Variants in ADGRA2 observed in about 807,000 individuals in gnomAD.
The protein encoded by ADGRA2 is G-protein coupled receptor 124.
Under a neutral mutation model 98.7 loss-of-function variants are expected in ADGRA2, and 61 were observed. The observed-to-expected ratio is 0.62, with a 90% CI of 0.50 to 0.76. The LOEUF is 0.76. Among genes scored for constraint, ADGRA2 ranks in the 30% least tolerant of loss-of-function variants. The pLI, the probability that ADGRA2 is intolerant of heterozygous loss-of-function variation, is 0.00. For synonymous variants in ADGRA2, 858 were observed against 831.5 expected, an observed-to-expected ratio of 1.03 and a Z score of -0.55; for missense variants, 1,712 against 1,860.0, an observed-to-expected ratio of 0.92 and a Z score of 1.46.
At chr8:37,801,073 T>G (rs1287016735) in intron 1 of ADGRA2, among the ~76,000 whole-genome samples, 6 of 152,110 alleles carry the variant, frequency 3.9e-5, no homozygotes, top group Non-Finnish European at 8.8e-5. Flanking sequence ...CCTCCTGCAC[T>G]CTGAGAAAGC....
chr8:37,829,983 G>T lies in ADGRA2; in HGVS notation c.687G>T (p.Leu229=), dbSNP rs780206455. Reference sequence around the variant, plus strand: ...CCAGTGCCCTGCATGCTCAGGCCCTGGGCAGCCTCCAGGAGGCCCAGCTCT... The same window carrying T: ...CCAGTGCCCTGCATGCTCAGGCCCTTGGCAGCCTCCAGGAGGCCCAGCTCT... ...AYPSALHAQA[L]GSLQEAQLCC... Residue 229 remains leucine (L), a synonymous_variant, in exon 6 of 19, where the codon CTG becomes CTT. Transcript: ENST00000412232. 36 of 1,597,048 alleles carry T rather than the reference G, an allele frequency of 2.3e-5. No homozygotes were observed. The highest frequency in any genetic ancestry group is 6.8e-6 in the Non-Finnish European group (8 of 1,174,832).
At position 37,842,601 on chromosome 8, in the gene ADGRA2, C is replaced by A. The variant is rs952484199; in HGVS notation, c.*246C>A. The stretch of plus-strand genomic sequence containing the variant: ...GGCAGTCTGACTGTCGGTGCCCTCC[C>A]AGGAACGGGGAAGGCCTCCGTCTGT... On this transcript the variant is annotated 3_prime_UTR_variant, in exon 19 of 19. Coordinates refer to ENST00000412232, the MANE Select transcript of ADGRA2 (RefSeq NM_032777.10). The A allele has an allele frequency of 1.1e-5, 6 of 551,320 alleles. No homozygotes were observed. The highest frequency in any genetic ancestry group is 4.3e-5 in the Admixed American group (1 of 23,018). 34.2% of individuals were successfully genotyped at this position (551,320 alleles called of 1,614,324 possible).
intron 2 of ADGRA2, among the ~76,000 whole-genome samples, chr8:37,817,746 G>C (rs924942449): frequency 1.3e-5 from 2 of 152,152 alleles, no homozygotes; most frequent in Non-Finnish European, 2.9e-5. Context: ...GCCAGGCATG[G>C]TGGCTCACGC....
Position 37,833,193 on chromosome 8 carries a change from G to A in ADGRA2, c.1281G>A (p.Leu427=), listed in dbSNP as rs878955644. ...CLYTNDITRV[L]YTFVLMPINA... ...ACACCAACGACATCACCAGGGTGCT[G>A]TACACCTTCGTGCTGGTGAGGAGAG... Residue 427 remains leucine (L), a synonymous_variant, in exon 9 of 19, where the codon CTG becomes CTA. Coordinates refer to ENST00000412232, the MANE Select transcript of ADGRA2 (RefSeq NM_032777.10). 5 of 1,611,506 alleles carry A rather than the reference G, an allele frequency of 3.1e-6. No homozygotes were observed. In the South Asian group the frequency reaches 4.4e-5, roughly 14 times the overall value.
chr8:37,825,840 G>T (rs190777771), intron 2 of ADGRA2, among the ~76,000 whole-genome samples: 18 of 152,154 alleles, frequency 1.2e-4, no homozygotes, highest in African/African-American at 3.6e-4. Flanking sequence ...TCAGCCCAGG[G>T]AGCCGAGACA....
At position 37,840,023 on chromosome 8, in the gene ADGRA2, G is replaced by A. The variant is rs149333530; in HGVS notation, c.2512-98G>A. On this transcript the variant is annotated intron_variant, in intron 16 of 18. Coordinates refer to ENST00000412232, the MANE Select transcript of ADGRA2 (RefSeq NM_032777.10). The stretch of plus-strand genomic sequence containing the variant: ...GGGTAAAGTAAAAAAGCTGGGGGCC[G>A]GAGGCTGGAAGCCTGGGAGGACACC... 1,278 of 1,167,930 alleles carry A rather than the reference G, an allele frequency of 1.1e-3. 1 individual carries two copies. The highest frequency in any genetic ancestry group is 1.5e-3 in the Non-Finnish European group (1,212 of 832,716). 72.3% of individuals were successfully genotyped at this position (1,167,930 alleles called of 1,614,324 possible).
At chr8:37,816,191 G>A (rs922724400) in intron 2 of ADGRA2, among the ~76,000 whole-genome samples, 8 of 150,872 alleles carry the variant, frequency 5.3e-5, no homozygotes, top group South Asian at 4.1e-4. Context: ...CTGGGAGGCC[G>A]AGGCTGGAGG....
intron 13 of ADGRA2, among the ~76,000 whole-genome samples, chr8:37,836,082 C>G (rs938395481): frequency 6.7e-6 from 1 of 150,344 alleles, no homozygotes; most frequent in Non-Finnish European, 1.5e-5. Context: ...CACACACACA[C>G]ACACACACAC....
intron 1 of ADGRA2, among the ~76,000 whole-genome samples, chr8:37,807,193 G>A (rs528980944): frequency 6.6e-6 from 1 of 152,202 alleles, no homozygotes; most frequent in Non-Finnish European, 1.5e-5. Context: ...GGGAAGGGTG[G>A]CAGGGAAGTG....
chr8:37,813,487 G>A (rs1804897950), intron 1 of ADGRA2, among the ~76,000 whole-genome samples: 1 of 152,150 alleles, frequency 6.6e-6, no homozygotes, highest in South Asian at 2.1e-4. Context: ...TGTACTTTTT[G>A]ACATATCAAC....
Position 37,829,337 on chromosome 8 carries a change from G to GT in ADGRA2, c.482+6dup. 1 of 1,611,522 alleles carries GT rather than the reference G, an allele frequency of 6.2e-7. No homozygotes were observed. Among genetic ancestry groups the GT allele is most frequent in the Non-Finnish European group, 8.5e-7 (1 of 1,177,936 alleles). ...CCTCCCCAGGCTTCTCCGACTGTAAGTGATGGGGTGAGAAGTGGGGAGGGG... is the reference window on the plus strand; with the variant it reads ...CCTCCCCAGGCTTCTCCGACTGTAAGTTGATGGGGTGAGAAGTGGGGAGGGG... On this transcript the variant is annotated splice_donor_region_variant and intron_variant, in intron 4 of 18. Coordinates refer to ENST00000412232, the MANE Select transcript of ADGRA2 (RefSeq NM_032777.10).
chr8:37,829,272 A>G lies in ADGRA2; in HGVS notation c.422A>G (p.Asn141Ser). 2 of 1,613,208 alleles carry G rather than the reference A, an allele frequency of 1.2e-6. No individual in the cohort carries two copies. Among genetic ancestry groups the G allele is most frequent in the South Asian group, 1.1e-5 (1 of 91,026 alleles). Residue 141 changes from asparagine (N) to serine (S), a missense_variant, in exon 4 of 19, where the codon AAC becomes AGC. Coordinates refer to ENST00000412232, the MANE Select transcript of ADGRA2 (RefSeq NM_032777.10). ...LGELKRLDLS[N>S]NRIGCLTSET... ...CTGTGTCTCTCTAGAGATCTCTCCA[A>G]CAACCGGATTGGCTGTCTCACCTCC...
intron 3 of ADGRA2, 109 bp downstream of exon 3, chr8:37,829,068 C>A (rs1022099823): frequency 1.3e-5 from 11 of 845,010 alleles, no homozygotes; most frequent in Non-Finnish European, 2.0e-5. Context: ...ACCTGCCCCT[C>A]CTTTCCGCTT....
chr8:37,835,696 A>G lies in ADGRA2; in HGVS notation c.1976A>G (p.Asn659Ser), dbSNP rs371851110. Reference sequence around the variant, plus strand: ...GGCCGCCTCTTCCACAGCCACAGCAACACCTCCCGCCCTGGAGCTGCTGGG... The same window carrying G: ...GGCCGCCTCTTCCACAGCCACAGCAGCACCTCCCGCCCTGGAGCTGCTGGG... ...RNGRLFHSHS[N>S]TSRPGAAGPG... is the part of the protein sequence containing the mutation. The change falls in exon 13 of 19, where the codon AAC becomes AGC. Residue 659 changes from asparagine to serine, a missense_variant. Transcript: ENST00000412232. 6.2e-7 allele frequency: 1 copy of G among 1,613,874 alleles called. No individual in the cohort carries two copies. Among genetic ancestry groups the G allele is most frequent in the South Asian group, 1.1e-5 (1 of 91,078 alleles).
At chr8:37,818,608 C>T (rs1805043353) in intron 2 of ADGRA2, among the ~76,000 whole-genome samples, 2 of 152,246 alleles carry the variant, frequency 1.3e-5, no homozygotes, top group Admixed American at 6.5e-5. Flanking sequence ...CTGGTCACCC[C>T]ATCCATTCAT....
At chr8:37,839,975 G>C (rs1805740971) in intron 16 of ADGRA2, 146 bp from the exon 17 acceptor site, 1 of 720,680 alleles carries the variant, frequency 1.4e-6, no homozygotes, top group Admixed American at 2.9e-5. Context: ...ATGGAAGCTT[G>C]GCGAGTGTAT....
In ADGRA2 at chr8:37,840,260, T is replaced by C; in HGVS notation, c.2651T>C (p.Met884Thr). The change falls in exon 17 of 19, where the codon ATG (methionine) becomes ACG (threonine). Residue 884 changes from methionine (M) to threonine (T), a missense_variant. Coordinates refer to ENST00000412232, the MANE Select transcript of ADGRA2 (RefSeq NM_032777.10). ...CCCGCTCTGCCTACTCCCAGTCCTATGCTCCGGTACATACTTTCAATTCCA... is the reference window on the plus strand; with the variant it reads ...CCCGCTCTGCCTACTCCCAGTCCTACGCTCCGGTACATACTTTCAATTCCA... ...GDPALPTPSP[M>T]LRFYLIAGGI... 6.2e-7 allele frequency: 1 copy of C among 1,612,266 alleles called. No individual in the cohort carries two copies. The highest frequency in any genetic ancestry group is 8.5e-7 in the Non-Finnish European group (1 of 1,179,954).
Position 37,842,171 on chromosome 8 carries a change from A to G in ADGRA2, c.3833A>G (p.Asp1278Gly). 2 of 1,531,732 alleles carry G rather than the reference A, an allele frequency of 1.3e-6. No individual in the cohort carries two copies. Among genetic ancestry groups the G allele is most frequent in the Non-Finnish European group, 1.8e-6 (2 of 1,141,828 alleles). 94.9% of individuals were successfully genotyped at this position (1,531,732 alleles called of 1,614,324 possible). The stretch of plus-strand genomic sequence containing the variant: ...GGCCAGCGCCGCAGCGCCAGCCGCG[A>G]CAGTCTCAAGGGCGGCGGCGCGCTG... ...RAGQRRSASR[D>G]SLKGGGALEK... Residue 1278 changes from aspartate (D) to glycine (G), a missense_variant, in exon 19 of 19, where the codon GAC (aspartate) becomes GGC (glycine). Coordinates refer to ENST00000412232, the MANE Select transcript of ADGRA2 (RefSeq NM_032777.10).
intron 2 of ADGRA2, among the ~76,000 whole-genome samples, chr8:37,821,035 A>G (rs1805112177): frequency 2.6e-5 from 4 of 152,122 alleles, no homozygotes; most frequent in Admixed American, 1.3e-4. Context: ...CAGGGAGTGT[A>G]CAGAAGACCC....
Sources: gnomAD v4.1 joint callset for allele counts (sites outside exome capture counted in the v4.1 genomes callset) on GRCh38, gnomAD v4.1.1 for gene constraint, MANE v1.5 for transcripts, NCBI Gene and HGNC (gene_info 2026-07-23, HGNC 2026-07-21) for gene names.